SAXO4: variants seen among roughly 807,000 people sequenced by gnomAD.
SAXO4 encodes stabilizer of axonemal microtubules 4.
chr11:61,490,371 G>T, the SAXO4 span: 2 of 818,778 alleles, frequency 2.4e-6, no homozygotes. Context: ...GGCAAAGAAT[G>T]TTTGTGGCTT....
chr11:61,485,552 C>A, the SAXO4 span: 6 of 778,132 alleles, frequency 7.7e-6, no homozygotes, highest in Non-Finnish European at 1.0e-5. Flanking sequence ...GCGCCTCTCC[C>A]GGGCTGACCT....
the SAXO4 span, chr11:61,489,385 G>A: frequency 2.2e-6 from 1 of 458,562 alleles, no homozygotes; most frequent in East Asian, 3.6e-5. Context: ...ATAAGTTCAA[G>A]GGTGGGACCC....
the SAXO4 span, chr11:61,484,709 AC>A: frequency 6.2e-7 from 1 of 1,613,690 alleles, no homozygotes; most frequent in Non-Finnish European, 8.5e-7. Context: ...CCATTTCGAC[AC>A]CCAGGAGCAC....
At chr11:61,485,283 G>A in the SAXO4 span, 12 of 1,530,744 alleles carry the variant, frequency 7.8e-6, no homozygotes, top group South Asian at 1.0e-4. Flanking sequence ...GCCGCCACAC[G>A]CCTTCGGGGC....
chr11:61,485,904 G>T, the SAXO4 span: 2 of 1,612,886 alleles, frequency 1.2e-6, no homozygotes, highest in South Asian at 2.2e-5. Context: ...GCCCTCCCTG[G>T]GGACCCTGTA....
chr11:61,490,373 T>G, the SAXO4 span: 1 of 818,770 alleles, frequency 1.2e-6, no homozygotes, highest in Non-Finnish European at 2.1e-6. Context: ...CAAAGAATGT[T>G]TGTGGCTTGG....
the SAXO4 span, chr11:61,490,510 C>T: frequency 1.9e-6 from 3 of 1,614,054 alleles, no homozygotes; most frequent in African/African-American, 2.7e-5. Context: ...GAACCCTGAC[C>T]TCAGCTGACC....
At chr11:61,489,750 G>GCTTC in the SAXO4 span, 2,455 of 1,612,788 alleles carry the variant, frequency 1.5e-3, 40 homozygotes, top group South Asian at 0.025. Flanking sequence ...GCAGAGTCCA[G>GCTTC]CTTCCAGCCA....
the SAXO4 span, chr11:61,484,764 T>A: frequency 6.2e-7 from 1 of 1,612,392 alleles, no homozygotes; most frequent in East Asian, 2.2e-5. Flanking sequence ...GAAGTGCCTC[T>A]GCTCCACCAG....
the SAXO4 span, chr11:61,486,975 A>T: frequency 6.2e-7 from 1 of 1,614,112 alleles, no homozygotes. Flanking sequence ...AGAACCCAGC[A>T]GCGTGAGTCA....
chr11:61,482,683 G>C, the SAXO4 span: 3 of 1,614,092 alleles, frequency 1.9e-6, no homozygotes, highest in South Asian at 2.2e-5. Context: ...TTTCCAGTCT[G>C]TGGCCAGCCA....
At chr11:61,485,366 A>G in the SAXO4 span, 2 of 1,614,046 alleles carry the variant, frequency 1.2e-6, no homozygotes, top group Non-Finnish European at 1.7e-6. Context: ...TCGGAGTACA[A>G]TTCCAAGTAT....
the SAXO4 span, chr11:61,489,897 A>T: frequency 1.1e-5 from 17 of 1,613,364 alleles, no homozygotes; most frequent in Non-Finnish European, 1.4e-5. Context: ...CATGGAGGCC[A>T]CCCCCAACCC....
At chr11:61,482,403 GA>G in the SAXO4 span, 1 of 1,614,148 alleles carries the variant, frequency 6.2e-7, no homozygotes, top group Non-Finnish European at 8.5e-7. Context: ...AGCCAGTCTG[GA>G]GGCCTTAGAC....
At chr11:61,486,453 G>A in the SAXO4 span, 3 of 1,613,464 alleles carry the variant, frequency 1.9e-6, no homozygotes, top group Admixed American at 5.0e-5. Context: ...GGAGCAGTTA[G>A]AACATGGCTC....
At chr11:61,486,350 C>T in the SAXO4 span, 1 of 1,613,872 alleles carries the variant, frequency 6.2e-7, no homozygotes, top group Non-Finnish European at 8.5e-7. Flanking sequence ...CCAGGCCCTC[C>T]TCCCAGGCCA....
the SAXO4 span, chr11:61,481,784 C>T: frequency 3.1e-5 from 42 of 1,369,100 alleles, no homozygotes; most frequent in Non-Finnish European, 3.7e-5. Context: ...CTTTCTAGGC[C>T]CCCTGGGGCC....
the SAXO4 span, among the ~76,000 whole-genome samples, chr11:61,488,588 C>T: frequency 1.6e-4 from 25 of 152,316 alleles, no homozygotes; most frequent in African/African-American, 5.5e-4. Flanking sequence ...AAACTCCGAG[C>T]CAGGAAGCGC....
chr11:61,486,091 G>C, the SAXO4 span, among the ~76,000 whole-genome samples: 5 of 152,238 alleles, frequency 3.3e-5, no homozygotes, highest in East Asian at 9.6e-4. Flanking sequence ...GAAGACTGAG[G>C]TCCAAAGAGA....
Sources: gnomAD v4.1 joint callset for allele counts (sites outside exome capture counted in the v4.1 genomes callset) on GRCh38, gnomAD v4.1.1 for gene constraint, MANE v1.5 for transcripts, NCBI Gene and HGNC (gene_info 2026-07-23, HGNC 2026-07-21) for gene names.